Variants in USP25 observed in about 807,000 individuals in gnomAD.
USP25 encodes the protein ubiquitin specific peptidase 25.
In USP25, 85 loss-of-function variants were observed where a neutral mutation model predicts 158.5. That is an observed-to-expected ratio of 0.54 (90% CI 0.45 to 0.64). USP25 has a LOEUF of 0.64. USP25 is among the 30% of genes least tolerant of loss of function. USP25 has a pLI of 0.00. For synonymous variants in USP25, 464 were observed against 460.4 expected, an observed-to-expected ratio of 1.01 and a Z score of -0.10; for missense variants, 1,242 against 1,327.3, an observed-to-expected ratio of 0.94 and a Z score of 1.00.
intron 7 of USP25, among the ~76,000 whole-genome samples, chr21:15,807,515 G>A (rs977552707): frequency 3.3e-5 from 5 of 152,168 alleles, no homozygotes; most frequent in African/African-American, 1.2e-4. Flanking sequence ...AGAGGGCAGA[G>A]GTCCAGAGTA....
In USP25 at chr21:15,783,842, TGCCGGTAGTCTCAGCTACTTGGG is replaced by T. The variant is rs1275605994; in HGVS notation, c.392+5816_392+5838del. ...AAAATTAGCCAGGCATGGTGGTGGGTGCCGGTAGTCTCAGCTACTTGGGAGGCTGAGGCAGGAGAATGGCGTGA... is the reference window on the plus strand; with the variant it reads ...AAAATTAGCCAGGCATGGTGGTGGGTAGGCTGAGGCAGGAGAATGGCGTGA... On this transcript the variant is annotated intron_variant, in intron 4 of 25. Transcript: ENST00000400183. 4.0e-5 allele frequency among the ~76,000 whole-genome samples: 6 copies of T among 148,806 alleles called. No individual in the cohort carries two copies. In the South Asian group the frequency reaches 1.1e-3, roughly 26 times the overall value.
chr21:15,847,603 ATGCCATTGTTCTCCACTG>A (rs1339122819), intron 18 of USP25, 42 bp from the exon 19 acceptor site: 2 of 1,156,956 alleles, frequency 1.7e-6, no homozygotes, highest in Admixed American at 2.0e-5. Context: ...TTGTGCAAGG[ATGCCATTGTTCTCCACTG>A]TTCTCTTTTC....
At chr21:15,786,063 C>T (rs2035254779) in intron 4 of USP25, among the ~76,000 whole-genome samples, 1 of 151,996 alleles carries the variant, frequency 6.6e-6, no homozygotes, top group Admixed American at 6.6e-5. Context: ...TGGATAAATT[C>T]TTGAACACAC....
intron 1 of USP25, among the ~76,000 whole-genome samples, chr21:15,755,838 T>G (rs2033338027): frequency 6.6e-6 from 1 of 152,156 alleles, no homozygotes; most frequent in Admixed American, 6.6e-5. Flanking sequence ...GCCAGATGAT[T>G]GAAGCCTGAA....
At chr21:15,785,148 A>G (rs1381628732) in intron 4 of USP25, among the ~76,000 whole-genome samples, 2 of 152,200 alleles carry the variant, frequency 1.3e-5, no homozygotes, top group African/African-American at 2.4e-5. Context: ...CAAAAACTGT[A>G]AAAAGAGACA....
chr21:15,736,017 T>C (rs1010210542), intron 1 of USP25, among the ~76,000 whole-genome samples: 1 of 151,800 alleles, frequency 6.6e-6, no homozygotes, highest in Non-Finnish European at 1.5e-5. Flanking sequence ...TATGTACATA[T>C]ATATATATGT....
At chr21:15,794,966 A>G (rs757598539) in intron 5 of USP25, among the ~76,000 whole-genome samples, 1 of 151,520 alleles carries the variant, frequency 6.6e-6, no homozygotes, top group Non-Finnish European at 1.5e-5. Flanking sequence ...ACATTTCAGG[A>G]TATAATTTAA....
intron 1 of USP25, among the ~76,000 whole-genome samples, chr21:15,736,818 A>G (rs1383823132): frequency 1.3e-5 from 2 of 151,524 alleles, no homozygotes; most frequent in African/African-American, 4.8e-5. Flanking sequence ...TTGCAGATGC[A>G]TTATTAGTAG....
chr21:15,815,619 G>C (rs748781644), intron 9 of USP25, among the ~76,000 whole-genome samples: 1 of 152,122 alleles, frequency 6.6e-6, no homozygotes, highest in East Asian at 1.9e-4. Flanking sequence ...AAATTTGACT[G>C]CCCTGTTGGA....
At chr21:15,747,485 GT>G (rs1167844820) in intron 1 of USP25, among the ~76,000 whole-genome samples, 1 of 151,356 alleles carries the variant, frequency 6.6e-6, no homozygotes, top group African/African-American at 2.4e-5. Flanking sequence ...AGTACATATA[GT>G]TTTTTTCCTA....
At chr21:15,839,938 G>C (rs141973826) in intron 17 of USP25, among the ~76,000 whole-genome samples, 25 of 152,144 alleles carry the variant, frequency 1.6e-4, no homozygotes, top group African/African-American at 5.8e-4. Context: ...TCATATCCCA[G>C]AGTCTTTGTG....
At chr21:15,736,172 A>G (rs1307016691) in intron 1 of USP25, among the ~76,000 whole-genome samples, 2 of 151,690 alleles carry the variant, frequency 1.3e-5, no homozygotes, top group Non-Finnish European at 2.9e-5. Context: ...ATCTCAGCTC[A>G]CTGCAACTTC....
chr21:15,740,877 C>T (rs1423101428), intron 1 of USP25, among the ~76,000 whole-genome samples: 1 of 151,476 alleles, frequency 6.6e-6, no homozygotes, highest in African/African-American at 2.4e-5. Context: ...TTCTACACCA[C>T]CCCCCACCCC....
At chr21:15,768,727 CT>C (rs1292129592) in intron 3 of USP25, among the ~76,000 whole-genome samples, 1 of 152,064 alleles carries the variant, frequency 6.6e-6, no homozygotes, top group Non-Finnish European at 1.5e-5. Context: ...TTTTTGAGCA[CT>C]TTCTCCATTT....
At chr21:15,839,195 G>A (rs1317965640) in intron 17 of USP25, among the ~76,000 whole-genome samples, 1 of 152,012 alleles carries the variant, frequency 6.6e-6, no homozygotes, top group Non-Finnish European at 1.5e-5. Flanking sequence ...AACCATTGTG[G>A]GTTTACCTAC....
chr21:15,862,431 A>G (rs1333097257), intron 20 of USP25, among the ~76,000 whole-genome samples: 1 of 152,120 alleles, frequency 6.6e-6, no homozygotes, highest in Non-Finnish European at 1.5e-5. Context: ...ATTTCAGATT[A>G]GGGATACTCA....
intron 5 of USP25, among the ~76,000 whole-genome samples, chr21:15,792,103 T>A (rs1306784015): frequency 6.6e-6 from 1 of 151,718 alleles, no homozygotes; most frequent in Admixed American, 6.6e-5. Flanking sequence ...AAGCATTTTG[T>A]TTGAGGTTGG....
intron 1 of USP25, among the ~76,000 whole-genome samples, chr21:15,759,403 A>G (rs1349045149): frequency 2.0e-5 from 3 of 152,146 alleles, no homozygotes; most frequent in African/African-American, 7.2e-5. Flanking sequence ...ACATGTGTCT[A>G]AGGTGGTTGG....
chr21:15,811,010 G>A lies in USP25; in HGVS notation c.858-127G>A, dbSNP rs115888140. On this transcript the variant is annotated intron_variant, in intron 8 of 25. Transcript: ENST00000400183. ...GCAACGTGGCACTGTAAATAACAGA[G>A]CTAAATGCAAGTGCGTGATAGCCAC... 496 of 758,434 alleles carry A rather than the reference G, an allele frequency of 6.5e-4. 5 individuals are homozygous for A. The African/African-American group carries it at 8.1e-3, about 12-fold the overall frequency. The allele number at this position is 758,434 out of a possible 1,614,324, so 47.0% of individuals were successfully genotyped here.
Sources: gnomAD v4.1 joint callset for allele counts (sites outside exome capture counted in the v4.1 genomes callset) on GRCh38, gnomAD v4.1.1 for gene constraint, MANE v1.5 for transcripts, NCBI Gene and HGNC (gene_info 2026-07-23, HGNC 2026-07-21) for gene names.